Variants in FGF23 observed in about 807,000 individuals in gnomAD.
The protein encoded by FGF23 is phosphatonin.
Under a neutral mutation model 9.0 loss-of-function variants are expected in FGF23, and 8 were observed. The observed-to-expected ratio is 0.89, with a 90% CI of 0.52 to 1.60. The LOEUF (loss-of-function observed/expected upper bound fraction) is 1.60, where lower values mean the gene tolerates loss of function less well. FGF23 is among the 40% of genes most tolerant of loss of function. The pLI, the probability that FGF23 is intolerant of heterozygous loss-of-function variation, is 0.00. For missense variants in FGF23, 311 were observed against 344.3 expected, an observed-to-expected ratio of 0.90 and a Z score of 0.77; for synonymous variants, 118 against 146.2, an observed-to-expected ratio of 0.81 and a Z score of 1.39.
At chr12:4,377,187 G>T (rs1416952288) in intron 1 of FGF23, among the ~76,000 whole-genome samples, 1 of 152,094 alleles carries the variant, frequency 6.6e-6, no homozygotes, top group African/African-American at 2.4e-5. Context: ...AGTTCAGACT[G>T]CCAGCCCAGG....
intron 1 of FGF23, among the ~76,000 whole-genome samples, chr12:4,376,797 G>A (rs1417954059): frequency 6.6e-6 from 1 of 152,138 alleles, no homozygotes; most frequent in Non-Finnish European, 1.5e-5. Flanking sequence ...GAGATTATAC[G>A]CGTGAGCCAC....
intron 2 of FGF23, among the ~76,000 whole-genome samples, chr12:4,372,173 T>G (rs552144839): frequency 1.2e-4 from 13 of 104,220 alleles, no homozygotes; most frequent in South Asian, 3.8e-4. Flanking sequence ...CTGGGGACTG[T>G]TGTGGGGTGG....
At chr12:4,372,739 A>G (rs774716760) in intron 1 of FGF23, 42 bp from the exon 2 acceptor site, 2 of 1,283,324 alleles carry the variant, frequency 1.6e-6, no homozygotes, top group Non-Finnish European at 2.3e-6. Context: ...ATTGCCATCC[A>G]ATTCCCACCT....
chr12:4,370,854 G>T, intron 2 of FGF23, 71 bp from the exon 3 acceptor site: 1 of 1,311,732 alleles, frequency 7.6e-7, no homozygotes, highest in Non-Finnish European at 1.1e-6. Flanking sequence ...CTCCTCCTGG[G>T]GCCACATGCT....
At position 4,369,225 on chromosome 12, in the gene FGF23, T is replaced by G. The variant is rs1865034547; in HGVS notation, c.*1118A>C. 1 of 231,392 alleles carries G rather than the reference T, an allele frequency of 4.3e-6. No homozygotes were observed. Among genetic ancestry groups the G allele is most frequent in the African/African-American group, 2.2e-5 (1 of 45,210 alleles). 14.3% of individuals were successfully genotyped at this position (231,392 alleles called of 1,614,324 possible). A position where few individuals can be genotyped will look rare whatever the true frequency, so the allele number is the denominator to read the frequency against. ...ACCATGTGGTTGTCTTTTCATAACT[T>G]CTATAACATGTCCCCTGATTTCTTT... On this transcript the variant is annotated 3_prime_UTR_variant, in exon 3 of 3. Coordinates refer to ENST00000237837, the MANE Select transcript of FGF23 (RefSeq NM_020638.3).
In FGF23 at chr12:4,370,626, A is replaced by G. The variant is rs1161278031; in HGVS notation, c.473T>C (p.Leu158Pro). 1.9e-6 allele frequency: 3 copies of G among 1,614,030 alleles called. No individual in the cohort carries two copies. Among genetic ancestry groups the G allele is most frequent in the Non-Finnish European group, 2.5e-6 (3 of 1,180,016 alleles). Residue 158 changes from leucine to proline, a missense_variant, in exon 3 of 3, where the codon CTG (leucine) becomes CCG (proline). Physicochemically the swap from Leu to Pro is moderately conservative, Grantham distance 98. Coordinates refer to ENST00000237837, the MANE Select transcript of FGF23 (RefSeq NM_020638.3). ...GMNPPPYSQFLSRRNEIPLIH... is the reference protein window; with the variant it reads ...GMNPPPYSQFPSRRNEIPLIH... ...TAGGGGGATCTCGTTCCTCCGGGAC[A>G]GGAACTGGGAGTACGGGGGTGGGTT...
In FGF23 at chr12:4,372,600, A is replaced by T; in HGVS notation, c.309T>A (p.Phe103Leu). The change falls in exon 2 of 3, where the codon TTT (phenylalanine) becomes TTA (leucine). Residue 103 changes from phenylalanine to leucine, a missense_variant. This residue lies in a region of FGF23 where 206 missense variants were observed against 219.2 expected (regional missense o/e 0.94). Coordinates refer to ENST00000237837, the MANE Select transcript of FGF23 (RefSeq NM_020638.3). Reference sequence around the variant, plus strand: ...ACACAAAAAAGAAACTCACTGATCCAAAAATGTTGCCTCTGAAATCCATGC... The same window carrying T: ...ACACAAAAAAGAAACTCACTGATCCTAAAATGTTGCCTCTGAAATCCATGC... ...YLCMDFRGNI[F>L]GSHYFDPENC... The T allele has an allele frequency of 1.2e-6, 2 of 1,602,260 alleles. No homozygotes were observed. Among genetic ancestry groups the T allele is most frequent in the Non-Finnish European group, 1.7e-6 (2 of 1,169,188 alleles).
chr12:4,376,172 G>A (rs530249619), intron 1 of FGF23, among the ~76,000 whole-genome samples: 9 of 152,248 alleles, frequency 5.9e-5, no homozygotes, highest in Admixed American at 5.2e-4. Flanking sequence ...CTTGTTCATG[G>A]AACGGGTGAT....
At chr12:4,371,165 T>A (rs559631548) in intron 2 of FGF23, among the ~76,000 whole-genome samples, 2 of 152,206 alleles carry the variant, frequency 1.3e-5, no homozygotes, top group Non-Finnish European at 2.9e-5. Flanking sequence ...GGGATGGAGT[T>A]TATAGGGTCA....
intron 1 of FGF23, among the ~76,000 whole-genome samples, chr12:4,377,078 A>G (rs1342500672): frequency 1.3e-5 from 2 of 152,152 alleles, no homozygotes; most frequent in South Asian, 2.1e-4. Context: ...AGTCAGTTCA[A>G]TTTATTTTGC....
In FGF23 at chr12:4,379,554, A is replaced by T. The variant is rs954022003; in HGVS notation, c.29T>A (p.Val10Asp). The T allele has an allele frequency of 1.2e-6, 2 of 1,610,270 alleles. No homozygotes were observed. Among genetic ancestry groups the T allele is most frequent in the Non-Finnish European group, 1.7e-6 (2 of 1,179,534 alleles). MLGARLRLW[V>D]CALCSVCSMS... The stretch of plus-strand genomic sequence containing the variant: ...GCTGCAGACGCTGCACAAGGCACAG[A>T]CCCAGAGCCTGAGGCGGGCCCCCAA... The change falls in exon 1 of 3, where the codon GTC (valine) becomes GAC (aspartate). Residue 10 changes from valine to aspartate, a missense_variant. Coordinates refer to ENST00000237837, the MANE Select transcript of FGF23 (RefSeq NM_020638.3).
At chr12:4,375,349 A>G (rs1016277058) in intron 1 of FGF23, among the ~76,000 whole-genome samples, 3 of 152,192 alleles carry the variant, frequency 2.0e-5, no homozygotes, top group Admixed American at 6.5e-5. Flanking sequence ...CAGTCCCCCT[A>G]GAAAACATCC....
In FGF23 at chr12:4,368,537, A is replaced by G. The variant is rs879859887; in HGVS notation, c.*1806T>C. 5.4e-6 allele frequency: 1 copy of G among 186,278 alleles called. No individual in the cohort carries two copies. The highest frequency in any genetic ancestry group is 1.1e-5 in the Non-Finnish European group (1 of 88,122). The allele number at this position is 186,278 out of a possible 1,614,324, so 11.5% of individuals were successfully genotyped here. On this transcript the variant is annotated 3_prime_UTR_variant, in exon 3 of 3. Transcript: ENST00000237837. ...TATAAATATCTATAAATATAGAAGG[A>G]TAGGCAAACTTCCAAATAAATAAAT...
In FGF23 at chr12:4,379,685, T is replaced by A; in HGVS notation, c.-103A>T. 1 of 923,870 alleles carries A rather than the reference T, an allele frequency of 1.1e-6. No homozygotes were observed. Among genetic ancestry groups the A allele is most frequent in the Non-Finnish European group, 1.7e-6 (1 of 590,418 alleles). The allele number at this position is 923,870 out of a possible 1,614,324, so 57.2% of individuals were successfully genotyped here. A position where few individuals can be genotyped will look rare whatever the true frequency, so the allele number is the denominator to read the frequency against. On this transcript the variant is annotated 5_prime_UTR_variant, in exon 1 of 3. Coordinates refer to ENST00000237837, the MANE Select transcript of FGF23 (RefSeq NM_020638.3). Reference sequence around the variant, plus strand: ...TGGCCTTTTCCTTCTCCCTTGCAAGTAGCTGGTGTGAGGATCCTAGACTGG... The same window carrying A: ...TGGCCTTTTCCTTCTCCCTTGCAAGAAGCTGGTGTGAGGATCCTAGACTGG...
intron 2 of FGF23, among the ~76,000 whole-genome samples, chr12:4,371,538 AG>A (rs1865063639): frequency 2.0e-5 from 3 of 152,238 alleles, no homozygotes; most frequent in African/African-American, 7.2e-5. Flanking sequence ...TGTGGTGGTC[AG>A]AGACTCCTGA....
intron 1 of FGF23, among the ~76,000 whole-genome samples, chr12:4,373,908 T>G (rs1432381152): frequency 1.3e-5 from 2 of 152,130 alleles, no homozygotes; most frequent in African/African-American, 4.8e-5. Context: ...TAATTCCTCT[T>G]CTGCAACTGT....
rs2120729840 is a variant in FGF23, at chr12:4,370,558, C to T, written c.541G>A (p.Ala181Thr). The T allele has an allele frequency of 1.2e-6, 2 of 1,613,914 alleles. No individual in the cohort carries two copies. Among genetic ancestry groups the T allele is most frequent in the South Asian group, 1.1e-5 (1 of 91,082 alleles). Reference sequence around the variant, plus strand: ...GGGTCCCGCTCCGAGTCGTCCTCGGCGCTCCGGGTGTGCCGCCGTGGTATG... The same window carrying T: ...GGGTCCCGCTCCGAGTCGTCCTCGGTGCTCCGGGTGTGCCGCCGTGGTATG... ...TPIPRRHTRSAEDDSERDPLN... is the reference protein window; with the variant it reads ...TPIPRRHTRSTEDDSERDPLN... Residue 181 changes from alanine to threonine, a missense_variant, in exon 3 of 3, where the codon GCC (alanine) becomes ACC (threonine). Coordinates refer to ENST00000237837, the MANE Select transcript of FGF23 (RefSeq NM_020638.3).
chr12:4,370,968 T>C (rs1233876500), intron 2 of FGF23, among the ~76,000 whole-genome samples, 185 bp from the exon 3 acceptor site: 1 of 152,202 alleles, frequency 6.6e-6, no homozygotes, highest in African/African-American at 2.4e-5. Context: ...AAGCCCTGAC[T>C]ATATAGTTCG....
At position 4,370,363 on chromosome 12, in the gene FGF23, G is replaced by A. The variant is rs753398310; in HGVS notation, c.736C>T (p.Pro246Ser). The A allele has an allele frequency of 1.9e-6, 3 of 1,613,556 alleles. No individual in the cohort carries two copies. Among genetic ancestry groups the A allele is most frequent in the Non-Finnish European group, 2.5e-6 (3 of 1,180,012 alleles). The change falls in exon 3 of 3, where the codon CCC (proline) becomes TCC (serine). Residue 246 changes from proline to serine, a missense_variant. Physicochemically the swap from Pro to Ser is moderately conservative, Grantham distance 74. Around this residue, in one of 3 missense-constraint regions of FGF23, gnomAD observed 206 missense variants for 219.2 expected, o/e 0.94. Coordinates refer to ENST00000237837, the MANE Select transcript of FGF23 (RefSeq NM_020638.3). Reference sequence around the variant, plus strand: ...CGACCCTAGATGAACTTGGCGAAGGGGCGGCAGCCTTCCGGGCCCGTTCCC... The same window carrying A: ...CGACCCTAGATGAACTTGGCGAAGGAGCGGCAGCCTTCCGGGCCCGTTCCC... ...AGGTGPEGCRPFAKFI is the reference protein window; with the variant it reads ...AGGTGPEGCRSFAKFI
Sources: allele counts gnomAD v4.1 joint callset (sites outside exome capture counted in the v4.1 genomes callset), GRCh38; gene constraint gnomAD v4.1.1; regional missense constraint gnomAD v4.1.1; transcripts MANE v1.5; gene names NCBI Gene and HGNC (gene_info 2026-07-23, HGNC 2026-07-21).